Variants in ZC3H3 observed in about 807,000 individuals in gnomAD.
The protein encoded by ZC3H3 is zinc finger CCCH-type containing 3.
A neutral mutation model predicts 77.3 loss-of-function variants in ZC3H3; 36 were observed. That is an observed-to-expected ratio of 0.47 (90% confidence interval 0.36 to 0.61). The LOEUF is 0.61. ZC3H3 is among the 20% of genes least tolerant of loss of function. The pLI, the probability that ZC3H3 is intolerant of heterozygous loss-of-function variation, is 0.00. For missense variants in ZC3H3, 1,331 were observed against 1,312.2 expected, an observed-to-expected ratio of 1.01 and a Z score of -0.22; for synonymous variants, 626 against 555.2, an observed-to-expected ratio of 1.13 and a Z score of -1.79.
At chr8:143,452,496 G>A (rs1441652975) in intron 9 of ZC3H3, among the ~76,000 whole-genome samples, 1 of 152,228 alleles carries the variant, frequency 6.6e-6, no homozygotes, top group African/African-American at 2.4e-5. Context: ...CAAGCTCGGT[G>A]AAGAGGGGCA....
intron 3 of ZC3H3, among the ~76,000 whole-genome samples, chr8:143,511,108 C>A (rs1398201136): frequency 1.3e-5 from 2 of 152,270 alleles, no homozygotes; most frequent in African/African-American, 2.4e-5. Flanking sequence ...AGCTCTTGCA[C>A]ACGGCACCAT....
chr8:143,448,689 G>T (rs1819918453), intron 9 of ZC3H3, among the ~76,000 whole-genome samples: 1 of 152,208 alleles, frequency 6.6e-6, no homozygotes, highest in Admixed American at 6.5e-5. Flanking sequence ...CAAGCTGTCG[G>T]TGGATCTACC....
chr8:143,479,807 A>G (rs1417370411), intron 4 of ZC3H3, among the ~76,000 whole-genome samples: 1 of 152,038 alleles, frequency 6.6e-6, no homozygotes. Flanking sequence ...CTGGGGGGGG[A>G]CAAAGGCCAG....
intron 4 of ZC3H3, among the ~76,000 whole-genome samples, chr8:143,486,859 C>G (rs56117669): frequency 3.1e-5 from 3 of 95,560 alleles, no homozygotes; most frequent in South Asian, 4.6e-4. Flanking sequence ...CCCACCACCA[C>G]GAAGCTCAGA....
At chr8:143,491,115 GAC>G (rs1413218865) in intron 4 of ZC3H3, among the ~76,000 whole-genome samples, 1 of 152,132 alleles carries the variant, frequency 6.6e-6, no homozygotes, top group Non-Finnish European at 1.5e-5. Flanking sequence ...CCAACTGGCA[GAC>G]ACACACATAT....
chr8:143,457,253 G>A (rs1462906847), intron 9 of ZC3H3, among the ~76,000 whole-genome samples: 1 of 152,072 alleles, frequency 6.6e-6, no homozygotes, highest in Non-Finnish European at 1.5e-5. Context: ...AATACAGATC[G>A]AACTAGAAAT....
chr8:143,469,334 T>C (rs888561248), intron 5 of ZC3H3, among the ~76,000 whole-genome samples: 4 of 152,228 alleles, frequency 2.6e-5, no homozygotes, highest in African/African-American at 9.6e-5. Flanking sequence ...TTTAGAGGGC[T>C]ATAAAACTAA....
Position 143,465,862 on chromosome 8 carries a change from C to G in ZC3H3, c.2176-14G>C. The G allele has an allele frequency of 2.5e-6, 4 of 1,606,392 alleles. No individual in the cohort carries two copies. The highest frequency in any genetic ancestry group is 3.4e-6 in the Non-Finnish European group (4 of 1,179,108). The stretch of plus-strand genomic sequence containing the variant: ...GCACACCGGCATCTGCAGGGAGGGC[C>G]GGCAGTGAGGGCCAGCAGGCAGCCA... On this transcript the variant is annotated splice_polypyrimidine_tract_variant and intron_variant, in intron 8 of 11. Coordinates refer to ENST00000262577, the MANE Select transcript of ZC3H3 (RefSeq NM_015117.3).
Position 143,493,960 on chromosome 8 carries a change from A to T in ZC3H3, c.1715+13786T>A, listed in dbSNP as rs1821274917. On this transcript the variant is annotated intron_variant, in intron 4 of 11. Transcript: ENST00000262577. The surrounding 1 kb of genome is among the most constrained non-coding windows in gnomAD (Gnocchi z 4.8). Reference sequence around the variant, plus strand: ...AATAAAAAATTATAAAAATGAGCACAGGCACAGGGAGGCCATCACATTAAC... The same window carrying T: ...AATAAAAAATTATAAAAATGAGCACTGGCACAGGGAGGCCATCACATTAAC... Among the ~76,000 whole-genome samples the T allele has an allele frequency of 6.6e-6, 1 of 152,264 alleles. No individual in the cohort carries two copies. The highest frequency in any genetic ancestry group is 2.1e-4 in the South Asian group (1 of 4,838).
chr8:143,487,635 C>T (rs369993974), intron 4 of ZC3H3, among the ~76,000 whole-genome samples: 4 of 36,936 alleles, frequency 1.1e-4, no homozygotes, highest in Non-Finnish European at 1.7e-4. Flanking sequence ...CACGACCCCA[C>T]CACCACGAAG....
chr8:143,514,082 T>C (rs2130441297), intron 3 of ZC3H3, among the ~76,000 whole-genome samples: 1 of 152,170 alleles, frequency 6.6e-6, no homozygotes, highest in African/African-American at 2.4e-5. Flanking sequence ...ACACGCTAGG[T>C]CCTGAAGGTG....
At chr8:143,466,046 C>T (rs1178384222) in intron 8 of ZC3H3, among the ~76,000 whole-genome samples, 198 bp from the exon 9 acceptor site, 4 of 152,190 alleles carry the variant, frequency 2.6e-5, no homozygotes, top group Non-Finnish European at 5.9e-5. Flanking sequence ...CCAGGTGAGC[C>T]ACACCCCTGC....
chr8:143,440,839 G>A, intron 10 of ZC3H3, 97 bp downstream of exon 10: 1 of 1,254,036 alleles, frequency 8.0e-7, no homozygotes, highest in Non-Finnish European at 1.0e-6. Flanking sequence ...CCAAAGAGCT[G>A]GAGTTGGCGG....
chr8:143,526,219 CCA>C (rs1822408040), intron 3 of ZC3H3, among the ~76,000 whole-genome samples: 1 of 152,246 alleles, frequency 6.6e-6, no homozygotes, highest in Non-Finnish European at 1.5e-5. Context: ...CCAGCACCTC[CCA>C]CCAAGAGTCA....
chr8:143,452,928 T>C (rs1437086518), intron 9 of ZC3H3, among the ~76,000 whole-genome samples: 11 of 152,092 alleles, frequency 7.2e-5, no homozygotes, highest in Admixed American at 7.2e-4. Flanking sequence ...GTAAAACACA[T>C]AAGCCTATAG....
At chr8:143,510,307 G>C (rs770064232) in intron 3 of ZC3H3, among the ~76,000 whole-genome samples, 12 of 152,202 alleles carry the variant, frequency 7.9e-5, no homozygotes, top group Non-Finnish European at 1.5e-4. Flanking sequence ...GTGGCAGCTA[G>C]TGTGGGCCCA....
intron 11 of ZC3H3, among the ~76,000 whole-genome samples, chr8:143,438,705 C>T (rs1328495738): frequency 6.6e-6 from 1 of 152,204 alleles, no homozygotes; most frequent in African/African-American, 2.4e-5. Flanking sequence ...CTCCCCAGAT[C>T]TCCCCTCCAG....
In ZC3H3 at chr8:143,539,318, G is replaced by A; in HGVS notation, c.49C>T (p.Leu17=). 1.3e-6 allele frequency: 2 copies of A among 1,595,250 alleles called. No homozygotes were observed. The highest frequency in any genetic ancestry group is 1.7e-6 in the Non-Finnish European group (2 of 1,170,546). Residue 17 remains leucine (L), a splice_region_variant and synonymous_variant, in exon 2 of 12, where the codon CTG becomes TTG. Coordinates refer to ENST00000262577, the MANE Select transcript of ZC3H3 (RefSeq NM_015117.3). ...LRRQIRLLQG[L]IDDYKTLHGN... is the part of the protein sequence containing the mutation. Reference sequence around the variant, plus strand: ...TGGAGGGTTTTGTAGTCATCAATCAGACCTGAGAAGACAGAACCACAGGCC... The same window carrying A: ...TGGAGGGTTTTGTAGTCATCAATCAAACCTGAGAAGACAGAACCACAGGCC...
chr8:143,512,794 G>A lies in ZC3H3; in HGVS notation c.1562-4895C>T, dbSNP rs116956495. 1.2e-3 allele frequency among the ~76,000 whole-genome samples: 190 copies of A among 152,368 alleles called. 1 individual carries two copies. The East Asian group carries it at 0.015, about 12-fold the overall frequency. On this transcript the variant is annotated intron_variant, in intron 3 of 11. Transcript: ENST00000262577. ...AAGAGGGCGCCAGGGACGAGGCAAC[G>A]TCTCCTCCCACAGAGCAGAGTTCCC...
Sources: gnomAD v4.1 joint callset for allele counts (sites outside exome capture counted in the v4.1 genomes callset) on GRCh38, gnomAD v4.1.1 for gene constraint, Gnocchi (gnomAD v3.1) non-coding constraint, MANE v1.5 for transcripts, NCBI Gene and HGNC (gene_info 2026-07-23, HGNC 2026-07-21) for gene names.